The following TOM1L1 variants were observed in gnomAD, a reference collection of about 807,000 sequenced individuals.
TOM1L1 encodes the protein TOM1-like protein 1.
Under a neutral mutation model 63.4 loss-of-function variants are expected in TOM1L1, and 64 were observed. The observed-to-expected ratio is 1.01, with a 90% CI of 0.83 to 1.24. The LOEUF (loss-of-function observed/expected upper bound fraction) is 1.24, where lower values mean the gene tolerates loss of function less well. Among genes scored for constraint, TOM1L1 ranks in the 50% most tolerant of loss-of-function variants. The pLI, the probability that TOM1L1 is intolerant of heterozygous loss-of-function variation, is 0.00. For missense variants in TOM1L1, 536 were observed against 567.0 expected (o/e 0.95, Z 0.55); for synonymous variants, 166 against 194.4 (o/e 0.85, Z 1.22).
intron 11 of TOM1L1, among the ~76,000 whole-genome samples, chr17:54,940,343 A>G (rs1323378043): frequency 6.6e-6 from 1 of 152,228 alleles, no homozygotes; most frequent in East Asian, 1.9e-4. Flanking sequence ...AAAAGTCCCA[A>G]TATTTCATAA....
chr17:54,927,256 T>C (rs1332244378), intron 7 of TOM1L1, among the ~76,000 whole-genome samples: 1 of 152,212 alleles, frequency 6.6e-6, no homozygotes, highest in Non-Finnish European at 1.5e-5. Flanking sequence ...GGGCTGATAA[T>C]AGGGATATTG....
At chr17:54,929,648 C>T (rs1288231353) in intron 7 of TOM1L1, among the ~76,000 whole-genome samples, 1 of 151,822 alleles carries the variant, frequency 6.6e-6, no homozygotes, top group Non-Finnish European at 1.5e-5. Flanking sequence ...TTACACACAT[C>T]TCATTTGATT....
chr17:54,920,966 G>A (rs918657851), intron 7 of TOM1L1, among the ~76,000 whole-genome samples: 2 of 151,666 alleles, frequency 1.3e-5, no homozygotes, highest in Non-Finnish European at 2.9e-5. Context: ...GACATGATTT[G>A]GCTTGCCATC....
In TOM1L1 at chr17:54,912,787, T is replaced by A; in HGVS notation, c.344T>A (p.Ile115Asn). 1 of 1,608,992 alleles carries A rather than the reference T, an allele frequency of 6.2e-7. No individual in the cohort carries two copies. Among genetic ancestry groups the A allele is most frequent in the Non-Finnish European group, 8.5e-7 (1 of 1,178,684 alleles). The change falls in exon 4 of 16, where the codon ATT becomes AAT. Residue 115 changes from isoleucine (I) to asparagine (N), a missense_variant. By Grantham distance (149) the Ile-to-Asn change is moderately radical. Transcript: ENST00000575882. The part of the protein sequence containing the change: ...LNPRYNLPLD[I>N]QNRILNFIKT... ...CCCAGATACAACTTGCCATTAGACA[T>A]TCAGAATAGAATCTTGAATTTCATT...
intron 8 of TOM1L1, among the ~76,000 whole-genome samples, chr17:54,933,811 A>G (rs4794547): frequency 0.57 from 86,842 of 152,072 alleles, 25,135 homozygotes; most frequent in African/African-American, 0.6. Flanking sequence ...GTGAGCTACC[A>G]CACCTGGCCA....
chr17:54,951,804 T>C (rs2049248947), intron 14 of TOM1L1: 1 of 152,206 alleles, frequency 6.6e-6, no homozygotes, highest in Non-Finnish European at 1.5e-5. Context: ...TTTACACAGG[T>C]AGGCTCTGCA....
intron 14 of TOM1L1, among the ~76,000 whole-genome samples, chr17:54,951,742 C>T (rs975588386): frequency 6.6e-6 from 1 of 152,280 alleles, no homozygotes. Context: ...CAACACGAAG[C>T]CTGAATTTTT....
chr17:54,934,410 C>G (rs893840666), intron 8 of TOM1L1, among the ~76,000 whole-genome samples: 1 of 152,158 alleles, frequency 6.6e-6, no homozygotes, highest in African/African-American at 2.4e-5. Flanking sequence ...TTAATTTCCC[C>G]TTGCCATGTA....
intron 7 of TOM1L1, 69 bp from the exon 8 acceptor site, chr17:54,930,004 T>A (rs1191230872): frequency 6.3e-7 from 1 of 1,598,982 alleles, no homozygotes; most frequent in Non-Finnish European, 8.5e-7. Flanking sequence ...ATGCGCAGAT[T>A]GGTGAGTCAG....
At chr17:54,946,633 G>T (rs1052720044) in intron 11 of TOM1L1, among the ~76,000 whole-genome samples, 1 of 152,204 alleles carries the variant, frequency 6.6e-6, no homozygotes, top group African/African-American at 2.4e-5. Context: ...TGTTAGGATT[G>T]TTTCCCTTTC....
At chr17:54,903,290 C>T (rs2048357125) in intron 1 of TOM1L1, among the ~76,000 whole-genome samples, 1 of 152,224 alleles carries the variant, frequency 6.6e-6, no homozygotes, top group African/African-American at 2.4e-5. Flanking sequence ...TTGGTAATTT[C>T]CTAACCTCTC....
In TOM1L1 at chr17:54,958,717, T is replaced by C. The variant is rs1598090331; in HGVS notation, c.1371-1849T>C. Among the ~76,000 whole-genome samples, 3 of 91,314 alleles carry C rather than the reference T, an allele frequency of 3.3e-5. No individual in the cohort carries two copies. In the Admixed American group the frequency reaches 4.4e-4, roughly 14 times the overall value. 59.9% of individuals were successfully genotyped at this position (91,314 alleles called of 152,430 possible). A position where few individuals can be genotyped will look rare whatever the true frequency, so the allele number is the denominator to read the frequency against. ...TGCACTCTAGCGTGGGCAACAAGAG[T>C]GAAACTCCATCTCAAAAAAAAAAAA... is the stretch of plus-strand genomic sequence containing the variant. On this transcript the variant is annotated intron_variant, in intron 14 of 15. Transcript: ENST00000575882.
chr17:54,906,958 G>C (rs1187017850), intron 3 of TOM1L1, among the ~76,000 whole-genome samples: 1 of 152,204 alleles, frequency 6.6e-6, no homozygotes. Context: ...AGGAGCATTA[G>C]TCTTTATCAA....
At chr17:54,928,792 C>G (rs1172459300) in intron 7 of TOM1L1, among the ~76,000 whole-genome samples, 1 of 152,106 alleles carries the variant, frequency 6.6e-6, no homozygotes, top group Non-Finnish European at 1.5e-5. Context: ...ATCAGAAAGT[C>G]TATCATCTGT....
At chr17:54,929,144 C>A (rs2048815200) in intron 7 of TOM1L1, among the ~76,000 whole-genome samples, 2 of 152,068 alleles carry the variant, frequency 1.3e-5, no homozygotes, top group Admixed American at 1.3e-4. Context: ...ATTACACAGA[C>A]AAAACTCTAG....
Position 54,905,536 on chromosome 17 carries a change from A to G in TOM1L1, c.191A>G (p.Tyr64Cys), listed in dbSNP as rs748421557. ...KALKKRISKN[Y>C]NHKEIQLTLS... ...TTGAAGAAAAGGATTTCCAAAAACT[A>G]CAATCATAAAGAAATCCAACTTACC... Residue 64 changes from tyrosine to cysteine, a missense_variant, in exon 3 of 16, where the codon TAC becomes TGC. Coordinates refer to ENST00000575882, the MANE Select transcript of TOM1L1 (RefSeq NM_005486.3). The G allele has an allele frequency of 6.2e-6, 10 of 1,611,652 alleles. No individual in the cohort carries two copies. The highest frequency in any genetic ancestry group is 1.7e-5 in the Admixed American group (1 of 59,828).
At chr17:54,938,237 T>G (rs939376618) in intron 10 of TOM1L1, among the ~76,000 whole-genome samples, 7 of 152,154 alleles carry the variant, frequency 4.6e-5, no homozygotes, top group Non-Finnish European at 1.0e-4. Flanking sequence ...CTCACACCTA[T>G]AATCCCAGCA....
intron 11 of TOM1L1, among the ~76,000 whole-genome samples, chr17:54,940,338 T>G (rs2049015990): frequency 2.6e-5 from 4 of 152,224 alleles, no homozygotes; most frequent in African/African-American, 9.6e-5. Flanking sequence ...TTGGCAAAAG[T>G]CCCAATATTT....
chr17:54,913,841 TCAGAAG>T lies in TOM1L1; in HGVS notation c.471_476del (p.Ala160_Glu161del). 1 of 1,610,832 alleles carries T rather than the reference TCAGAAG, an allele frequency of 6.2e-7. No individual in the cohort carries two copies. Among genetic ancestry groups the T allele is most frequent in the Non-Finnish European group, 8.5e-7 (1 of 1,178,006 alleles). ...TAAGAAAGGCGTTCAGTTTCCTCCC[TCAGAAG>T]CAGAGGCTGAAACAGCAAGACAAGA... is the stretch of plus-strand genomic sequence containing the variant. On this transcript the variant is annotated inframe_deletion, in exon 5 of 16. Coordinates refer to ENST00000575882, the MANE Select transcript of TOM1L1 (RefSeq NM_005486.3).
Sources: gnomAD v4.1 joint callset for allele counts (sites outside exome capture counted in the v4.1 genomes callset) on GRCh38, gnomAD v4.1.1 for gene constraint, MANE v1.5 for transcripts, NCBI Gene and HGNC (gene_info 2026-07-23, HGNC 2026-07-21) for gene names.